The following OPHN1 variants were observed in gnomAD, a reference collection of about 807,000 sequenced individuals.
OPHN1 encodes the protein oligophrenin 1, also known as oligophrenin-1.
Under a neutral mutation model 60.7 loss-of-function variants are expected in OPHN1, and 11 were observed. That is an observed-to-expected ratio of 0.18 (90% CI 0.11 to 0.30). The LOEUF is 0.30. Among genes scored for constraint, OPHN1 ranks in the 10% least tolerant of loss-of-function variants. The pLI is 1.00. For synonymous variants in OPHN1, 226 were observed against 222.6 expected (o/e 1.02, Z -0.14); for missense variants, 449 against 611.0 (o/e 0.73, Z 2.80).
intron 5 of OPHN1, among the ~76,000 whole-genome samples, chrX:68,253,260 A>G (rs1602272075): frequency 9.0e-6 from 1 of 111,481 alleles, no homozygotes; most frequent in South Asian, 3.8e-4. Context: ...GGAAACTGTG[A>G]TGCAAAAAGG....
chrX:68,202,499 G>A (rs766896730), intron 10 of OPHN1, among the ~76,000 whole-genome samples: 19 of 103,469 alleles, frequency 1.8e-4, no homozygotes, highest in African/African-American at 7.9e-4. Context: ...CATATATTAC[G>A]CTACATTTTT....
chrX:68,406,378 G>A (rs764990050), intron 2 of OPHN1, among the ~76,000 whole-genome samples: 9 of 110,208 alleles, frequency 8.2e-5, no homozygotes, highest in East Asian at 5.8e-4. Context: ...TTGGGAGGCC[G>A]AGGTGGGCAG....
At chrX:68,231,089 T>A (rs1476347813) in intron 6 of OPHN1, among the ~76,000 whole-genome samples, 1 of 110,471 alleles carries the variant, frequency 9.1e-6, no homozygotes, top group Non-Finnish European at 1.9e-5. Context: ...AAAAATGAGA[T>A]CCCGTCATTT....
chrX:68,398,997 A>G (rs865984842), intron 2 of OPHN1, among the ~76,000 whole-genome samples: 49 of 96,014 alleles, frequency 5.1e-4, no homozygotes, highest in South Asian at 2.2e-3. Context: ...GTGTGTGTGT[A>G]TAGTAATAAT....
rs7876214 is a variant in OPHN1, at chrX:68,153,939, A to T, written c.1277-34607T>A. ...AATAATATTAACATTTTTCAAAATT[A>T]TATGTATACAGGTTATAGATCTTTG... On this transcript the variant is annotated intron_variant, in intron 15 of 24. Coordinates refer to ENST00000355520, the MANE Select transcript of OPHN1 (RefSeq NM_002547.3). Among the ~76,000 whole-genome samples, 6 of 111,262 alleles carry T rather than the reference A, an allele frequency of 5.4e-5. No individual in the cohort carries two copies. The East Asian group carries it at 1.7e-3, about 32-fold the overall frequency.
At chrX:68,345,610 C>T (rs757295743) in intron 2 of OPHN1, among the ~76,000 whole-genome samples, 2 of 111,557 alleles carry the variant, frequency 1.8e-5, no homozygotes, top group South Asian at 7.5e-4. Flanking sequence ...AATCCCAGCA[C>T]TTTGGGAGGC....
chrX:68,150,399 G>A (rs1043759782), intron 15 of OPHN1, among the ~76,000 whole-genome samples: 12 of 111,528 alleles, frequency 1.1e-4, no homozygotes, highest in Admixed American at 2.9e-4. Context: ...CATAATGTAC[G>A]GTTGAGTGGG....
intron 6 of OPHN1, among the ~76,000 whole-genome samples, chrX:68,216,840 T>A (rs909147128): frequency 4.5e-5 from 5 of 111,961 alleles, no homozygotes; most frequent in African/African-American, 1.6e-4. Flanking sequence ...ACAGACATTT[T>A]TCAAAAGAAG....
chrX:68,081,554 T>C (rs1386466755), intron 19 of OPHN1, among the ~76,000 whole-genome samples: 1 of 111,951 alleles, frequency 8.9e-6, no homozygotes, highest in East Asian at 2.8e-4. Flanking sequence ...CACACAATTT[T>C]TTCTGGTTTC....
chrX:68,291,350 A>T (rs919336044), intron 3 of OPHN1, among the ~76,000 whole-genome samples: 1 of 112,132 alleles, frequency 8.9e-6, no homozygotes, highest in African/African-American at 3.2e-5. Flanking sequence ...TCTCTCAACA[A>T]ATAGGAACGT....
chrX:68,170,611 G>GT (rs1376171613), intron 15 of OPHN1, among the ~76,000 whole-genome samples: 2 of 110,264 alleles, frequency 1.8e-5, no homozygotes, highest in African/African-American at 6.6e-5. Flanking sequence ...CATAAAAAAT[G>GT]TGAGTTCATG....
chrX:68,356,632 C>G, intron 2 of OPHN1, among the ~76,000 whole-genome samples: 1 of 110,843 alleles, frequency 9.0e-6, no homozygotes, highest in Middle Eastern at 4.6e-3. Flanking sequence ...AGGCTGGTGT[C>G]AAACTCCTGA....
intron 2 of OPHN1, among the ~76,000 whole-genome samples, chrX:68,346,407 A>T (rs2078379347): frequency 8.9e-6 from 1 of 111,870 alleles, no homozygotes; most frequent in African/African-American, 3.2e-5. Flanking sequence ...CAGAAGCAAA[A>T]CAACTGGGAA....
chrX:68,132,925 T>C (rs1051339162), intron 15 of OPHN1: 34 of 371,509 alleles, frequency 9.2e-5, no homozygotes, highest in Non-Finnish European at 1.6e-4. Context: ...GCTGAGTCCC[T>C]GCTTCCCCGA....
At chrX:68,054,355 T>A (rs914705278) in intron 21 of OPHN1, among the ~76,000 whole-genome samples, 12 of 111,346 alleles carry the variant, frequency 1.1e-4, no homozygotes, top group Non-Finnish European at 2.1e-4. Flanking sequence ...TTAAATAAGA[T>A]GGTTCTAGTA....
At chrX:68,124,619 G>A (rs750779563) in intron 15 of OPHN1, among the ~76,000 whole-genome samples, 2 of 110,865 alleles carry the variant, frequency 1.8e-5, no homozygotes, top group South Asian at 7.6e-4. Context: ...CTCAGCACAT[G>A]GATCATTCTC....
intron 18 of OPHN1, among the ~76,000 whole-genome samples, chrX:68,100,288 T>TAC (rs201193880): frequency 3.7e-5 from 4 of 108,634 alleles, no homozygotes; most frequent in Admixed American, 2.0e-4. Flanking sequence ...CACACACACA[T>TAC]ACACACACAC....
At position 68,046,404 on chromosome X, in the gene OPHN1, G is replaced by C. The variant is rs1199677042; in HGVS notation, c.*768C>G. 5.4e-5 allele frequency: 6 copies of C among 112,040 alleles called. No homozygotes were observed. The highest frequency in any genetic ancestry group is 1.1e-4 in the Non-Finnish European group (6 of 53,187). 9.2% of individuals were successfully genotyped at this position (112,040 alleles called of 1,213,427 possible). A position where few individuals can be genotyped will look rare whatever the true frequency, so the allele number is the denominator to read the frequency against. On this transcript the variant is annotated 3_prime_UTR_variant, in exon 25 of 25. Coordinates refer to ENST00000355520, the MANE Select transcript of OPHN1 (RefSeq NM_002547.3). ...TTCAGCTTTTGTTTGTTTCTTGATT[G>C]CTTGACAGGAAGCTGTCAAAAAAAA...
chrX:68,347,244 G>A (rs1263472226), intron 2 of OPHN1, among the ~76,000 whole-genome samples: 13 of 111,280 alleles, frequency 1.2e-4, no homozygotes. Flanking sequence ...GAACTTCAAA[G>A]GCTCCTCTCA....
Sources: allele counts gnomAD v4.1 joint callset (sites outside exome capture counted in the v4.1 genomes callset), GRCh38; gene constraint gnomAD v4.1.1; transcripts MANE v1.5; gene names NCBI Gene and HGNC (gene_info 2026-07-23, HGNC 2026-07-21).